KLRD1: variants seen among roughly 807,000 people sequenced by gnomAD.
The protein encoded by KLRD1 is natural killer cells antigen CD94.
Under a neutral mutation model 22.6 loss-of-function variants are expected in KLRD1, and 21 were observed. The ratio of observed to expected loss-of-function variants is 0.93; its 90% CI spans 0.66 to 1.34. The LOEUF (loss-of-function observed/expected upper bound fraction) is 1.34. Among genes scored for constraint, KLRD1 ranks in the 40% most tolerant of loss-of-function variants. KLRD1 has a pLI of 0.00. For missense variants in KLRD1, 183 were observed against 208.6 expected (o/e 0.88, Z 0.76); for synonymous variants, 59 against 71.1 (o/e 0.83, Z 0.85).
chr12:10,239,563 C>CTTTCTT (rs1949221459), intron 1 of KLRD1, among the ~76,000 whole-genome samples: 1 of 117,638 alleles, frequency 8.5e-6, no homozygotes, highest in African/African-American at 4.1e-5. Flanking sequence ...TTCTTTCTTT[C>CTTTCTT]TTTCTTTCTT....
chr12:10,256,731 C>T (rs1245914394), intron 1 of KLRD1, among the ~76,000 whole-genome samples: 1 of 151,860 alleles, frequency 6.6e-6, no homozygotes, highest in Non-Finnish European at 1.5e-5. Context: ...AGTGAAATTA[C>T]ACACCAAAAT....
chr12:10,258,796 A>G (rs183835740), intron 1 of KLRD1, among the ~76,000 whole-genome samples: 3 of 152,330 alleles, frequency 2.0e-5, no homozygotes, highest in Admixed American at 1.3e-4. Flanking sequence ...GACTCTTAAT[A>G]TGACTTCTTC....
At chr12:10,287,717 AC>A (rs1245739884) in intron 1 of KLRD1, among the ~76,000 whole-genome samples, 2 of 152,338 alleles carry the variant, frequency 1.3e-5, no homozygotes, top group Non-Finnish European at 2.9e-5. Context: ...CCTAGGTTAT[AC>A]AAAACTACGG....
chr12:10,297,808 C>T (rs1468995840), intron 1 of KLRD1, among the ~76,000 whole-genome samples: 1 of 152,172 alleles, frequency 6.6e-6, no homozygotes, highest in African/African-American at 2.4e-5. Context: ...AGTCCTTTGC[C>T]TCTTGCTTTG....
At chr12:10,255,950 A>G (rs771321372) in intron 1 of KLRD1, among the ~76,000 whole-genome samples, 6 of 152,038 alleles carry the variant, frequency 3.9e-5, no homozygotes, top group Non-Finnish European at 7.4e-5. Flanking sequence ...TTGGAGAGCT[A>G]TCTATTTGTC....
intron 1 of KLRD1, among the ~76,000 whole-genome samples, chr12:10,254,445 A>AG (rs1005191109): frequency 3.0e-4 from 45 of 151,410 alleles, no homozygotes; most frequent in Non-Finnish European, 5.5e-4. Context: ...AAAAAAAAAA[A>AG]AAAAAAACCT....
At chr12:10,247,711 G>A (rs1397757103) in intron 1 of KLRD1, among the ~76,000 whole-genome samples, 1 of 152,060 alleles carries the variant, frequency 6.6e-6, no homozygotes, top group East Asian at 1.9e-4. Flanking sequence ...TTAAATCATG[G>A]GAGCAGTTGC....
chr12:10,280,245 A>C (rs1949627406), intron 1 of KLRD1, among the ~76,000 whole-genome samples: 1 of 152,188 alleles, frequency 6.6e-6, no homozygotes, highest in Non-Finnish European at 1.5e-5. Context: ...CTGATGTTTA[A>C]ATGAAAAATA....
intron 1 of KLRD1, among the ~76,000 whole-genome samples, chr12:10,291,114 A>G (rs1446457748): frequency 6.6e-6 from 1 of 152,216 alleles, no homozygotes; most frequent in Non-Finnish European, 1.5e-5. Flanking sequence ...CAAAATTATT[A>G]TATCTAAAAA....
At chr12:10,263,144 C>G (rs7976020) in intron 1 of KLRD1, among the ~76,000 whole-genome samples, 86,584 of 151,734 alleles carry the variant, frequency 0.57, 27,314 homozygotes, top group Admixed American at 0.74. Flanking sequence ...TTATGCTGAG[C>G]TATTTTAATA....
At chr12:10,313,727 T>C (rs1258743196) in intron 5 of KLRD1, among the ~76,000 whole-genome samples, 2 of 152,140 alleles carry the variant, frequency 1.3e-5, no homozygotes, top group African/African-American at 4.8e-5. Flanking sequence ...AGATAATGCC[T>C]AATGAAAGGA....
In KLRD1 at chr12:10,326,095, T is replaced by G. The variant is rs1436286411; in HGVS notation, c.*11302T>G. 6.6e-6 allele frequency: 1 copy of G among 152,220 alleles called. No individual in the cohort carries two copies. The highest frequency in any genetic ancestry group is 1.5e-5 in the Non-Finnish European group (1 of 68,044). The allele number at this position is 152,220 out of a possible 1,614,324, so 9.4% of individuals were successfully genotyped here. ...TCATTTCATATGCCCATTGACCCTT[T>G]GTATGTTTTTTATGAAGAAATGACC... On this transcript the variant is annotated 3_prime_UTR_variant, in exon 6 of 6. Coordinates refer to ENST00000336164, the MANE Select transcript of KLRD1 (RefSeq NM_002262.5).
chr12:10,260,077 A>G (rs1949437455), intron 1 of KLRD1, among the ~76,000 whole-genome samples: 1 of 151,808 alleles, frequency 6.6e-6, no homozygotes, highest in Admixed American at 6.6e-5. Flanking sequence ...TCTTTTACCT[A>G]TGGAGTATAA....
chr12:10,286,749 T>C (rs1465242440), intron 1 of KLRD1, among the ~76,000 whole-genome samples: 1 of 134,738 alleles, frequency 7.4e-6, no homozygotes, highest in African/African-American at 2.7e-5. Context: ...GATCAAGTCA[T>C]GCTCCCATCT....
intron 1 of KLRD1, among the ~76,000 whole-genome samples, chr12:10,245,020 T>C (rs1260414854): frequency 6.6e-6 from 1 of 152,166 alleles, no homozygotes; most frequent in East Asian, 1.9e-4. Context: ...ATAATGTTAC[T>C]ATGTACATTT....
At chr12:10,314,370 C>T (rs2617146) in intron 5 of KLRD1, among the ~76,000 whole-genome samples, 76,849 of 151,808 alleles carry the variant, frequency 0.51, 20,702 homozygotes, top group South Asian at 0.67. Flanking sequence ...TAGACTAGAT[C>T]AGATAATACA....
At chr12:10,277,120 T>A (rs1949599456) in intron 1 of KLRD1, among the ~76,000 whole-genome samples, 1 of 150,134 alleles carries the variant, frequency 6.7e-6, no homozygotes, top group South Asian at 2.1e-4. Flanking sequence ...CAGAGTTTTT[T>A]TTTTTTTTTT....
At chr12:10,244,904 C>T (rs781121854) in intron 1 of KLRD1, among the ~76,000 whole-genome samples, 1 of 152,110 alleles carries the variant, frequency 6.6e-6, no homozygotes, top group African/African-American at 2.4e-5. Context: ...TAAATATAAC[C>T]TATATTGATG....
chr12:10,286,440 C>T (rs1049752201), intron 1 of KLRD1, among the ~76,000 whole-genome samples: 2 of 152,034 alleles, frequency 1.3e-5, no homozygotes, highest in Non-Finnish European at 2.9e-5. Flanking sequence ...TTGCATTTTA[C>T]GTTTTACACA....
Sources: gnomAD v4.1 joint callset for allele counts (sites outside exome capture counted in the v4.1 genomes callset) on GRCh38, gnomAD v4.1.1 for gene constraint, MANE v1.5 for transcripts, NCBI Gene and HGNC (gene_info 2026-07-23, HGNC 2026-07-21) for gene names.